USP39: variants seen among roughly 807,000 people sequenced by gnomAD.
USP39 encodes ubiquitin carboxyl-terminal hydrolase 39.
A neutral mutation model predicts 66.4 loss-of-function variants in USP39; 38 were observed. The ratio of observed to expected loss-of-function variants is 0.57; its 90% CI spans 0.44 to 0.75. The LOEUF is 0.75. Among genes scored for constraint, USP39 ranks in the 30% least tolerant of loss-of-function variants. USP39 has a pLI of 0.00. For missense variants in USP39, 608 were observed against 714.4 expected, an observed-to-expected ratio of 0.85 and a Z score of 1.70; for synonymous variants, 303 against 274.6, an observed-to-expected ratio of 1.10 and a Z score of -1.02.
At chr2:85,611,829 C>G, upstream of USP39, 5 of 1,605,078 alleles carry the variant, frequency 3.1e-6, no homozygotes, top group Non-Finnish European at 3.4e-6. Flanking sequence ...CGGGCCGGGC[C>G]AGGCCAGGCC....
intron 4 of USP39, among the ~76,000 whole-genome samples, chr2:85,625,079 T>G (rs1238879251): frequency 2.6e-5 from 4 of 152,172 alleles, no homozygotes; most frequent in Non-Finnish European, 1.5e-5. Context: ...ATGACTGTGG[T>G]AACTCTGTGC....
chr2:85,639,322 G>A lies in USP39; in HGVS notation c.1215G>A (p.Lys405=). The change falls in exon 9 of 13, where the codon AAG becomes AAA. Residue 405 remains lysine (K), a synonymous_variant. Coordinates refer to ENST00000323701, the MANE Select transcript of USP39 (RefSeq NM_006590.4). ...LPTAPLYKDE[K]EQLIIPQVPL... is the part of the protein sequence containing the mutation. ...CTGCCCCCCTCTACAAGGACGAGAA[G>A]GAGCAGCTCATCATTCCCCAAGTGC... 1 of 1,614,068 alleles carries A rather than the reference G, an allele frequency of 6.2e-7. No individual in the cohort carries two copies. Among genetic ancestry groups the A allele is most frequent in the Non-Finnish European group, 8.5e-7 (1 of 1,180,032 alleles).
intron 1 of USP39, among the ~76,000 whole-genome samples, chr2:85,605,789 G>A (rs1673190928): frequency 6.6e-6 from 1 of 152,194 alleles, no homozygotes; most frequent in Non-Finnish European, 1.5e-5. Context: ...CCTCCCACCT[G>A]GATGGGGCCA....
At chr2:85,646,755 C>T (rs954796839) in intron 11 of USP39, among the ~76,000 whole-genome samples, 4 of 152,108 alleles carry the variant, frequency 2.6e-5, no homozygotes, top group Admixed American at 2.0e-4. Context: ...ACATTTTTTC[C>T]TTGTTCATGG....
chr2:85,608,903 G>C (rs369815691), upstream of USP39: 5 of 1,606,924 alleles, frequency 3.1e-6, no homozygotes, highest in African/African-American at 6.7e-5. Context: ...GAATTCTTCC[G>C]AGTGCAGTGA....
At chr2:85,609,018 AGAGGCGTGTGTGCC>A, upstream of USP39, 2 of 1,614,270 alleles carry the variant, frequency 1.2e-6, no homozygotes, top group Non-Finnish European at 1.7e-6. Context: ...GGGTGGATCC[AGAGGCGTGTGTGCC>A]GACACCTTCT....
chr2:85,640,178 C>G (rs763272438), intron 9 of USP39, among the ~76,000 whole-genome samples: 18 of 152,040 alleles, frequency 1.2e-4, no homozygotes, highest in Non-Finnish European at 2.5e-4. Flanking sequence ...CCACAGTGCC[C>G]CCTCTTGTAC....
At chr2:85,631,113 C>G (rs548220909) in intron 6 of USP39, among the ~76,000 whole-genome samples, 167 bp downstream of exon 6, 1 of 152,066 alleles carries the variant, frequency 6.6e-6, no homozygotes, top group African/African-American at 2.4e-5. Context: ...TTCCAGGGTT[C>G]AAGCGATTCT....
At chr2:85,613,021 C>T (rs1673674101), upstream of USP39, among the ~76,000 whole-genome samples, 1 of 149,270 alleles carries the variant, frequency 6.7e-6, no homozygotes, top group Non-Finnish European at 1.5e-5. Flanking sequence ...GTGTAAAATT[C>T]TCAAGTCCTT....
chr2:85,617,768 C>A (rs1459817096), intron 1 of USP39, among the ~76,000 whole-genome samples: 2 of 152,188 alleles, frequency 1.3e-5, no homozygotes, highest in African/African-American at 2.4e-5. Flanking sequence ...AAAACTGACA[C>A]CAATGCTATA....
At chr2:85,647,070 G>A (rs1252148198) in intron 11 of USP39, among the ~76,000 whole-genome samples, 1 of 151,978 alleles carries the variant, frequency 6.6e-6, no homozygotes, top group East Asian at 1.9e-4. Flanking sequence ...TGTATTTTTG[G>A]TAGAGACGGG....
At chr2:85,612,315 AAC>A (rs953140306), upstream of USP39, 18 of 1,535,884 alleles carry the variant, frequency 1.2e-5, no homozygotes, top group Admixed American at 3.5e-4. Context: ...AATCATCTAT[AAC>A]ACAACTCGAT....
chr2:85,625,229 G>A (rs1674758793), intron 4 of USP39, among the ~76,000 whole-genome samples: 1 of 152,148 alleles, frequency 6.6e-6, no homozygotes. Context: ...GACTTAGACT[G>A]CCTTTAGGAA....
rs145229326 is a variant in USP39, at chr2:85,630,849, C to T, written c.852C>T (p.Leu284=). 13 of 1,614,104 alleles carry T rather than the reference C, an allele frequency of 8.1e-6. No individual in the cohort carries two copies. In the South Asian group the frequency reaches 1.4e-4, roughly 18 times the overall value. Residue 284 remains leucine (L), a synonymous_variant, in exon 6 of 13, where the codon CTC becomes CTT. Coordinates refer to ENST00000323701, the MANE Select transcript of USP39 (RefSeq NM_006590.4). The part of the protein sequence containing the change: ...VQRFGELMRK[L]WNPRNFKAHV... The stretch of plus-strand genomic sequence containing the variant: ...GTTTTGGAGAGCTGATGAGAAAGCT[C>T]TGGAACCCTCGAAATTTCAAGGCAC...
chr2:85,613,024 A>G (rs932606519), upstream of USP39, among the ~76,000 whole-genome samples: 2 of 151,270 alleles, frequency 1.3e-5, no homozygotes, highest in African/African-American at 4.9e-5. Context: ...TAAAATTCTC[A>G]AGTCCTTTTA....
At chr2:85,609,559 T>G (rs1367417698), upstream of USP39, 1 of 1,614,082 alleles carries the variant, frequency 6.2e-7, no homozygotes, top group Non-Finnish European at 8.5e-7. Context: ...CTCTTCATAG[T>G]CTGGGTTGCG....
intron 6 of USP39, among the ~76,000 whole-genome samples, chr2:85,633,824 G>A (rs1209752917): frequency 6.3e-5 from 9 of 141,964 alleles, no homozygotes; most frequent in African/African-American, 2.3e-4. Context: ...GGGACGTCGA[G>A]TAGTGGCTTT....
At chr2:85,626,777 G>T (rs1025705431) in intron 5 of USP39, among the ~76,000 whole-genome samples, 2 of 151,630 alleles carry the variant, frequency 1.3e-5, no homozygotes, top group Non-Finnish European at 2.9e-5. Context: ...GAGTGTAGTG[G>T]CGCAATCTCA....
chr2:85,637,587 T>G (rs34623563), intron 8 of USP39, 151 bp downstream of exon 8: 5 of 764,030 alleles, frequency 6.5e-6, no homozygotes, highest in Non-Finnish European at 1.1e-5. Context: ...GCCTGGTCCC[T>G]GTCATACTAG....
Sources: allele counts gnomAD v4.1 joint callset (sites outside exome capture counted in the v4.1 genomes callset), GRCh38; gene constraint gnomAD v4.1.1; transcripts MANE v1.5; gene names NCBI Gene and HGNC (gene_info 2026-07-23, HGNC 2026-07-21).